Variants in NCALD observed in about 807,000 individuals in gnomAD.
NCALD encodes neurocalcin delta.
NCALD carries 10 observed loss-of-function variants against 18.6 expected under a neutral mutation model. The ratio of observed to expected loss-of-function variants is 0.54; its 90% CI spans 0.33 to 0.91. The LOEUF (loss-of-function observed/expected upper bound fraction) is 0.91, where lower values mean the gene tolerates loss of function less well. Among genes scored for constraint, NCALD ranks in the 40% least tolerant of loss-of-function variants. NCALD has a pLI of 0.03. For missense variants in NCALD, 184 were observed against 247.6 expected (o/e 0.74, Z 1.72); for synonymous variants, 88 against 87.4 (o/e 1.01, Z -0.04).
At chr8:102,012,980 CACAT>C (rs1821958138) in intron 2 of NCALD, among the ~76,000 whole-genome samples, 1 of 152,146 alleles carries the variant, frequency 6.6e-6, no homozygotes, top group South Asian at 2.1e-4. Flanking sequence ...TATATATACA[CACAT>C]ACACTCACAC....
intron 1 of NCALD, among the ~76,000 whole-genome samples, chr8:101,777,045 C>T (rs1426177699): frequency 1.3e-5 from 2 of 152,100 alleles, no homozygotes; most frequent in Admixed American, 6.5e-5. Flanking sequence ...AAGACATGTC[C>T]CAGTTTGCCA....
intron 4 of NCALD, among the ~76,000 whole-genome samples, chr8:101,854,841 C>T (rs528222035): frequency 6.6e-6 from 1 of 152,284 alleles, no homozygotes; most frequent in African/African-American, 2.4e-5. Context: ...TTGCAACATT[C>T]ATTCATCTTA....
intron 1 of NCALD, among the ~76,000 whole-genome samples, chr8:101,720,271 T>C (rs1816290013): frequency 6.6e-6 from 1 of 152,206 alleles, no homozygotes; most frequent in Non-Finnish European, 1.5e-5. Context: ...CTGACAATGT[T>C]GGGTTTTGAT....
intron 2 of NCALD, among the ~76,000 whole-genome samples, chr8:102,003,223 A>G (rs1233649485): frequency 1.3e-5 from 2 of 152,240 alleles, no homozygotes; most frequent in Non-Finnish European, 2.9e-5. Context: ...ACAGAAATAC[A>G]AACTACCATC....
intron 4 of NCALD, among the ~76,000 whole-genome samples, chr8:101,858,495 T>C (rs901235955): frequency 1.3e-5 from 2 of 152,144 alleles, no homozygotes; most frequent in Non-Finnish European, 2.9e-5. Flanking sequence ...CCCAGCCTGA[T>C]ACTGGAGGTT....
chr8:102,121,224 T>C (rs1295108363), intron 1 of NCALD, among the ~76,000 whole-genome samples: 1 of 152,212 alleles, frequency 6.6e-6, no homozygotes, highest in Non-Finnish European at 1.5e-5. Context: ...TTGTGTTGTG[T>C]TGTGTTTTTG....
At chr8:101,795,125 C>T (rs1457942179), upstream of NCALD, among the ~76,000 whole-genome samples, 2 of 152,172 alleles carry the variant, frequency 1.3e-5, no homozygotes, top group East Asian at 3.8e-4. Context: ...TTAGAATGCA[C>T]AGGCTTGGGT....
chr8:101,988,170 A>G (rs1374367960), intron 2 of NCALD, among the ~76,000 whole-genome samples: 2 of 150,542 alleles, frequency 1.3e-5, no homozygotes, highest in East Asian at 3.9e-4. Context: ...AAAAAAAAGA[A>G]AAAAAAAAAG....
intron 1 of NCALD, among the ~76,000 whole-genome samples, chr8:102,077,114 C>T (rs1406487296): frequency 6.6e-6 from 1 of 152,166 alleles, no homozygotes; most frequent in African/African-American, 2.4e-5. Context: ...CTATTCTTTC[C>T]CTGTCTCTCC....
chr8:101,763,504 G>A (rs577840605), intron 1 of NCALD, among the ~76,000 whole-genome samples: 3 of 152,296 alleles, frequency 2.0e-5, no homozygotes, highest in South Asian at 2.1e-4. Flanking sequence ...ATTTTCAGAC[G>A]TGCTGTGTGT....
At chr8:102,019,973 A>T (rs1335921102) in intron 2 of NCALD, among the ~76,000 whole-genome samples, 1 of 152,186 alleles carries the variant, frequency 6.6e-6, no homozygotes, top group Middle Eastern at 3.2e-3. Context: ...TACCATAATT[A>T]ATTTAATACA....
chr8:102,082,924 C>T (rs929023195), intron 1 of NCALD, among the ~76,000 whole-genome samples: 14 of 152,290 alleles, frequency 9.2e-5, no homozygotes, highest in East Asian at 3.9e-4. Context: ...TGCCAGTCCA[C>T]GGGTGAATAA....
At position 101,690,407 on chromosome 8, in the gene NCALD, C is replaced by T. The variant is rs1013710959; in HGVS notation, c.485-1001G>A. On this transcript the variant is annotated intron_variant, in intron 3 of 3. Coordinates refer to ENST00000220931, the MANE Select transcript of NCALD (RefSeq NM_032041.3). ...GAGCTGCCCCAGAGAGGATTTATTT[C>T]CATCTGCTCCTCCAAGGGCAGCACC... 11 of 985,242 alleles carry T rather than the reference C, an allele frequency of 1.1e-5. 1 individual carries two copies. Among genetic ancestry groups the T allele is most frequent in the South Asian group, 9.4e-5 (2 of 21,284 alleles). 61.0% of individuals were successfully genotyped at this position (985,242 alleles called of 1,614,324 possible). A position where few individuals can be genotyped will look rare whatever the true frequency, so the allele number is the denominator to read the frequency against.
chr8:102,082,232 T>C (rs1270424294), intron 1 of NCALD, among the ~76,000 whole-genome samples: 1 of 134,542 alleles, frequency 7.4e-6, no homozygotes, highest in Non-Finnish European at 1.6e-5. Flanking sequence ...CTCTCTTTTT[T>C]TTTTTTTTTT....
At chr8:102,000,422 C>T (rs1821409124) in intron 2 of NCALD, among the ~76,000 whole-genome samples, 1 of 152,226 alleles carries the variant, frequency 6.6e-6, no homozygotes, top group South Asian at 2.1e-4. Flanking sequence ...TCAAGGAGGC[C>T]TGCCTGCCTC....
chr8:102,044,692 G>T (rs1197140026), intron 1 of NCALD, among the ~76,000 whole-genome samples: 1 of 152,188 alleles, frequency 6.6e-6, no homozygotes, highest in African/African-American at 2.4e-5. Flanking sequence ...GTGTCCAAAG[G>T]CTTGAGGGGG....
intron 4 of NCALD, among the ~76,000 whole-genome samples, chr8:101,806,361 T>C (rs1373350694): frequency 6.6e-6 from 1 of 152,006 alleles, no homozygotes; most frequent in Non-Finnish European, 1.5e-5. Flanking sequence ...AGAAAGAAAC[T>C]ATCTGTGAGA....
chr8:101,842,981 A>G (rs1294892591), intron 4 of NCALD, among the ~76,000 whole-genome samples: 2 of 152,242 alleles, frequency 1.3e-5, no homozygotes, highest in African/African-American at 4.8e-5. Context: ...TACATAAAAA[A>G]GCAGTTTTTG....
At chr8:101,825,790 C>T (rs1226856329) in intron 4 of NCALD, among the ~76,000 whole-genome samples, 1 of 152,208 alleles carries the variant, frequency 6.6e-6, no homozygotes, top group Non-Finnish European at 1.5e-5. Context: ...CATACCATCT[C>T]CGTCTCAAGC....
Sources: gnomAD v4.1 joint callset for allele counts (sites outside exome capture counted in the v4.1 genomes callset) on GRCh38, gnomAD v4.1.1 for gene constraint, MANE v1.5 for transcripts, NCBI Gene and HGNC (gene_info 2026-07-23, HGNC 2026-07-21) for gene names.